CNTNAP2: variants seen among roughly 807,000 people sequenced by gnomAD.
The protein encoded by CNTNAP2 is contactin associated protein 2.
CNTNAP2 carries 98 observed loss-of-function variants against 155.2 expected under a neutral mutation model. The ratio of observed to expected loss-of-function variants is 0.63; its 90% confidence interval spans 0.54 to 0.75. CNTNAP2 has a LOEUF of 0.75. Among genes scored for constraint, CNTNAP2 ranks in the 30% least tolerant of loss-of-function variants. CNTNAP2 has a pLI of 0.00. For synonymous variants in CNTNAP2, 651 were observed against 631.2 expected, an observed-to-expected ratio of 1.03 and a Z score of -0.47; for missense variants, 1,727 against 1,688.1, an observed-to-expected ratio of 1.02 and a Z score of -0.40.
At position 146,304,094 on chromosome 7, in the gene CNTNAP2, G is replaced by C. The variant is rs569762314; in HGVS notation, c.97+187121G>C. On this transcript the variant is annotated intron_variant, in intron 1 of 23. Transcript: ENST00000361727. ...ATCAGAGACTAGGATTGCAAACCCT[G>C]CTTTTTTTTTTTTTTTCCATTTGCT... Among the ~76,000 whole-genome samples, 3 of 126,276 alleles carry C rather than the reference G, an allele frequency of 2.4e-5. No individual in the cohort carries two copies. The South Asian group carries it at 6.6e-4, about 28-fold the overall frequency. 82.8% of individuals were successfully genotyped at this position (126,276 alleles called of 152,430 possible).
chr7:146,334,828 C>T (rs1801248102), intron 1 of CNTNAP2, among the ~76,000 whole-genome samples: 1 of 152,188 alleles, frequency 6.6e-6, no homozygotes, highest in African/African-American at 2.4e-5. Flanking sequence ...TGCCCCACTT[C>T]AGTTATCAGT....
chr7:146,186,849 TC>T (rs1272648075), intron 1 of CNTNAP2, among the ~76,000 whole-genome samples: 2 of 152,162 alleles, frequency 1.3e-5, no homozygotes, highest in African/African-American at 4.8e-5. Context: ...TGGTTCATTT[TC>T]ATTAATTTTA....
chr7:147,510,267 G>C (rs926512878), intron 11 of CNTNAP2, among the ~76,000 whole-genome samples: 2 of 152,158 alleles, frequency 1.3e-5, no homozygotes, highest in African/African-American at 4.8e-5. Context: ...CCAGTATTTA[G>C]TGGCCTTTTA....
At chr7:146,764,315 A>T (rs1410799070) in intron 1 of CNTNAP2, among the ~76,000 whole-genome samples, 1 of 152,196 alleles carries the variant, frequency 6.6e-6, no homozygotes, top group Non-Finnish European at 1.5e-5. Flanking sequence ...TACTGTCACC[A>T]CTGTGTTAGA....
At chr7:146,143,916 C>T (rs1452765927) in intron 1 of CNTNAP2, among the ~76,000 whole-genome samples, 1 of 152,064 alleles carries the variant, frequency 6.6e-6, no homozygotes, top group Non-Finnish European at 1.5e-5. Flanking sequence ...GCATGTGCCA[C>T]CATCCCAGGC....
chr7:146,684,311 T>C (rs1347121240), intron 1 of CNTNAP2, among the ~76,000 whole-genome samples: 1 of 152,106 alleles, frequency 6.6e-6, no homozygotes, highest in Non-Finnish European at 1.5e-5. Flanking sequence ...AGAACTGCTG[T>C]TTTCGATGAG....
At chr7:146,553,312 T>C (rs1798148649) in intron 1 of CNTNAP2, among the ~76,000 whole-genome samples, 1 of 152,044 alleles carries the variant, frequency 6.6e-6, no homozygotes, top group African/African-American at 2.4e-5. Flanking sequence ...TTTTATTTCT[T>C]ATATAATCTA....
At chr7:146,645,119 G>T (rs1799788897) in intron 1 of CNTNAP2, among the ~76,000 whole-genome samples, 1 of 152,190 alleles carries the variant, frequency 6.6e-6, no homozygotes, top group Non-Finnish European at 1.5e-5. Flanking sequence ...AGCAGGGCTT[G>T]AAGGATGCAC....
intron 17 of CNTNAP2, among the ~76,000 whole-genome samples, chr7:148,166,949 G>A (rs1805678415): frequency 6.6e-6 from 1 of 152,056 alleles, no homozygotes; most frequent in Non-Finnish European, 1.5e-5. Context: ...ACCGTTTTCA[G>A]GACAGAAGAT....
At chr7:147,599,630 T>G (rs777510594) in intron 12 of CNTNAP2, among the ~76,000 whole-genome samples, 25 of 152,254 alleles carry the variant, frequency 1.6e-4, no homozygotes, top group Non-Finnish European at 3.2e-4. Context: ...AAAAAATCTT[T>G]CCTTGCCTCT....
In CNTNAP2 at chr7:146,135,175, T is replaced by G. The variant is rs541004921; in HGVS notation, c.97+18202T>G. Among the ~76,000 whole-genome samples the G allele has an allele frequency of 2.6e-5, 4 of 152,294 alleles. No homozygotes were observed. The East Asian group carries it at 7.7e-4, about 29-fold the overall frequency. ...ATAATGAAAGATGTCATAGAAAATT[T>G]CCTACTTATTTTAAAATTAAGAAGC... is the stretch of plus-strand genomic sequence containing the variant. On this transcript the variant is annotated intron_variant, in intron 1 of 23. Coordinates refer to ENST00000361727, the MANE Select transcript of CNTNAP2 (RefSeq NM_014141.6).
chr7:148,166,398 T>C (rs983152057), intron 17 of CNTNAP2, among the ~76,000 whole-genome samples: 1 of 152,170 alleles, frequency 6.6e-6, no homozygotes, highest in East Asian at 1.9e-4. Flanking sequence ...GTGTGATTCC[T>C]TCTATGGTGA....
chr7:147,558,786 A>C (rs990336731), intron 11 of CNTNAP2, among the ~76,000 whole-genome samples: 2 of 150,734 alleles, frequency 1.3e-5, no homozygotes, highest in Admixed American at 6.6e-5. Flanking sequence ...TCTGTCACCC[A>C]GGCTGGAGTG....
At chr7:147,931,250 A>T (rs569839571) in intron 14 of CNTNAP2, among the ~76,000 whole-genome samples, 5 of 151,696 alleles carry the variant, frequency 3.3e-5, no homozygotes, top group Non-Finnish European at 5.9e-5. Context: ...TTCTAAAAAG[A>T]TAAACAAAAT....
intron 1 of CNTNAP2, among the ~76,000 whole-genome samples, chr7:146,310,953 T>C (rs1800810925): frequency 6.6e-6 from 1 of 152,208 alleles, no homozygotes; most frequent in African/African-American, 2.4e-5. Context: ...TATTACAATA[T>C]AGCATAATCT....
chr7:146,451,811 T>TATATATATATACGTATATATATAC (rs1319338953), intron 1 of CNTNAP2, among the ~76,000 whole-genome samples: 9 of 78,482 alleles, frequency 1.1e-4, no homozygotes, highest in East Asian at 5.7e-4. Context: ...GTCTCTTCTA[T>TATATATATATACGTATATATATAC]ATATATATAT....
At chr7:147,280,411 C>T (rs1486130237) in intron 8 of CNTNAP2, among the ~76,000 whole-genome samples, 3 of 151,934 alleles carry the variant, frequency 2.0e-5, no homozygotes, top group Non-Finnish European at 2.9e-5. Flanking sequence ...TCGTAGAAGT[C>T]ATGCTCAATA....
chr7:148,357,165 G>A (rs1798533103), intron 21 of CNTNAP2, among the ~76,000 whole-genome samples: 1 of 152,122 alleles, frequency 6.6e-6, no homozygotes, highest in Non-Finnish European at 1.5e-5. Flanking sequence ...TTGAATCATG[G>A]GGGTGGGTCT....
At chr7:147,278,112 G>C (rs1804942426) in intron 8 of CNTNAP2, among the ~76,000 whole-genome samples, 1 of 122,616 alleles carries the variant, frequency 8.2e-6, no homozygotes, top group Non-Finnish European at 1.7e-5. Context: ...AGCTCAGGAA[G>C]GGGTGGAAAC....
Sources: allele counts gnomAD v4.1 joint callset (sites outside exome capture counted in the v4.1 genomes callset), GRCh38; gene constraint gnomAD v4.1.1; transcripts MANE v1.5; gene names NCBI Gene and HGNC (gene_info 2026-07-23, HGNC 2026-07-21).